LRRC4C: variants seen among roughly 807,000 people sequenced by gnomAD.
LRRC4C encodes leucine-rich repeat-containing protein 4C.
In LRRC4C, 5 loss-of-function variants were observed where a neutral mutation model predicts 33.6. The observed-to-expected ratio is 0.15, with a 90% CI of 0.08 to 0.31. The LOEUF (loss-of-function observed/expected upper bound fraction) is 0.31. Among genes scored for constraint, LRRC4C ranks in the 10% least tolerant of loss-of-function variants. The pLI is 1.00. For missense variants in LRRC4C, 560 were observed against 796.7 expected (o/e 0.70, Z 3.58); for synonymous variants, 329 against 302.0 (o/e 1.09, Z -0.93).
chr11:40,323,143 A>C (rs1280761574), intron 3 of LRRC4C, among the ~76,000 whole-genome samples: 1 of 152,190 alleles, frequency 6.6e-6, no homozygotes, highest in Non-Finnish European at 1.5e-5. Flanking sequence ...TTGCACTCAA[A>C]GGCAGAAGTT....
At chr11:40,259,455 C>CT (rs1482765036) in intron 4 of LRRC4C, among the ~76,000 whole-genome samples, 2 of 151,920 alleles carry the variant, frequency 1.3e-5, no homozygotes, top group Non-Finnish European at 2.9e-5. Context: ...GTTGCCATTG[C>CT]TTTTGGTGTT....
intron 2 of LRRC4C, among the ~76,000 whole-genome samples, chr11:40,865,506 A>ACT (rs1554980736): frequency 1.5e-5 from 1 of 65,098 alleles, no homozygotes; most frequent in Admixed American, 2.0e-4. Context: ...GCCATTCCAC[A>ACT]GTGTGTATAT....
intron 3 of LRRC4C, among the ~76,000 whole-genome samples, chr11:40,539,771 G>T (rs1230088240): frequency 6.6e-6 from 1 of 151,996 alleles, no homozygotes; most frequent in Non-Finnish European, 1.5e-5. Context: ...TATAATTTAG[G>T]TAATTATGAA....
intron 6 of LRRC4C, among the ~76,000 whole-genome samples, chr11:40,127,524 T>TA (rs774329622): frequency 1.7e-4 from 26 of 151,392 alleles, no homozygotes; most frequent in South Asian, 4.2e-4. Context: ...TGTATTTTAA[T>TA]AAAAAAAAAC....
intron 5 of LRRC4C, among the ~76,000 whole-genome samples, chr11:40,230,096 C>A (rs1865095034): frequency 6.6e-6 from 1 of 152,138 alleles, no homozygotes; most frequent in South Asian, 2.1e-4. Context: ...TCAGACTCCC[C>A]TTGGAAGTAC....
At chr11:40,726,249 C>T (rs557963042) in intron 2 of LRRC4C, among the ~76,000 whole-genome samples, 6 of 151,922 alleles carry the variant, frequency 3.9e-5, no homozygotes, top group African/African-American at 1.4e-4. Flanking sequence ...GTCAATTCTA[C>T]TGAAACTATT....
chr11:40,837,740 C>T (rs149618840), intron 2 of LRRC4C, among the ~76,000 whole-genome samples: 18 of 150,928 alleles, frequency 1.2e-4, no homozygotes, highest in African/African-American at 4.4e-4. Context: ...GTCCCAGCTA[C>T]TGGTGAGGCT....
intron 1 of LRRC4C, among the ~76,000 whole-genome samples, chr11:41,232,014 G>C (rs1017935490): frequency 1.7e-4 from 26 of 151,536 alleles, no homozygotes; most frequent in African/African-American, 6.1e-4. Context: ...CCACCACTTT[G>C]AACTCCAGCT....
chr11:40,606,367 A>G (rs190290846), intron 3 of LRRC4C, among the ~76,000 whole-genome samples: 77 of 152,328 alleles, frequency 5.1e-4, no homozygotes, highest in Non-Finnish European at 7.2e-4. Context: ...AAGACACAAC[A>G]CATCCACAAG....
At chr11:40,324,438 A>G (rs1457432160) in intron 3 of LRRC4C, among the ~76,000 whole-genome samples, 4 of 152,210 alleles carry the variant, frequency 2.6e-5, no homozygotes, top group Non-Finnish European at 5.9e-5. Context: ...AAACTTAGCA[A>G]TTCCAAATCT....
At chr11:40,920,142 G>A (rs1030971471) in intron 2 of LRRC4C, among the ~76,000 whole-genome samples, 3 of 152,022 alleles carry the variant, frequency 2.0e-5, no homozygotes, top group Admixed American at 6.6e-5. Context: ...ATAAAAGCAA[G>A]GATTCATTGA....
At chr11:40,604,084 A>G (rs1309831505) in intron 3 of LRRC4C, among the ~76,000 whole-genome samples, 1 of 152,192 alleles carries the variant, frequency 6.6e-6, no homozygotes, top group Non-Finnish European at 1.5e-5. Context: ...GATAGAAAGA[A>G]AGAGAAAGAA....
intron 4 of LRRC4C, among the ~76,000 whole-genome samples, chr11:40,315,321 G>C (rs939003445): frequency 4.6e-5 from 7 of 151,790 alleles, no homozygotes; most frequent in Admixed American, 3.3e-4. Context: ...CCTTTAAATA[G>C]CTTTTGCTTA....
Position 41,118,635 on chromosome 11 carries a change from C to T in LRRC4C, c.-495-184912G>A, listed in dbSNP as rs531706927. 2.6e-5 allele frequency among the ~76,000 whole-genome samples: 4 copies of T among 152,310 alleles called. No homozygotes were observed. In the South Asian group the frequency reaches 8.3e-4, roughly 32 times the overall value. On this transcript the variant is annotated intron_variant, in intron 1 of 6. Transcript: ENST00000528697. The stretch of plus-strand genomic sequence containing the variant: ...ATTTCCACCAGTCATTGAGTAGCTT[C>T]TCTCTCTTCTCTGAAAAGACAAATC...
intron 1 of LRRC4C, among the ~76,000 whole-genome samples, chr11:41,012,382 TTCCA>T (rs1855265069): frequency 6.6e-6 from 1 of 152,152 alleles, no homozygotes; most frequent in African/African-American, 2.4e-5. Context: ...TGATATCCAG[TTCCA>T]TCCATGTTGC....
chr11:40,327,482 T>C (rs1946156298), intron 3 of LRRC4C, among the ~76,000 whole-genome samples: 1 of 152,232 alleles, frequency 6.6e-6, no homozygotes, highest in South Asian at 2.1e-4. Context: ...TTAATTACAC[T>C]TGATCTTAGC....
chr11:40,680,499 C>G lies in LRRC4C; in HGVS notation c.-406-32221G>C, dbSNP rs544535937. On this transcript the variant is annotated intron_variant, in intron 2 of 6. Coordinates refer to ENST00000528697, the MANE Select transcript of LRRC4C (RefSeq NM_001258419.2). Reference sequence around the variant, plus strand: ...TAAGTCCCACCTGTTGTTCGAGGGACCCAGTGGGAGATGATTGAATCTTGG... The same window carrying G: ...TAAGTCCCACCTGTTGTTCGAGGGAGCCAGTGGGAGATGATTGAATCTTGG... Among the ~76,000 whole-genome samples, 91 of 152,260 alleles carry G rather than the reference C, an allele frequency of 6.0e-4. No individual in the cohort carries two copies. The Middle Eastern group carries it at 0.014, about 23-fold the overall frequency.
At chr11:41,358,806 A>T (rs1952250249) in intron 1 of LRRC4C, among the ~76,000 whole-genome samples, 1 of 152,306 alleles carries the variant, frequency 6.6e-6, no homozygotes, top group Non-Finnish European at 1.5e-5. Context: ...TTGGAAGACA[A>T]TTTGGTGGAT....
At chr11:41,111,982 A>C (rs1285562037) in intron 1 of LRRC4C, among the ~76,000 whole-genome samples, 1 of 152,086 alleles carries the variant, frequency 6.6e-6, no homozygotes, top group Non-Finnish European at 1.5e-5. Flanking sequence ...CAAGCAAGTT[A>C]AGAGATGACG....
Sources: gnomAD v4.1 joint callset for allele counts (sites outside exome capture counted in the v4.1 genomes callset) on GRCh38, gnomAD v4.1.1 for gene constraint, MANE v1.5 for transcripts, NCBI Gene and HGNC (gene_info 2026-07-23, HGNC 2026-07-21) for gene names.